Variants in ARHGAP20 observed in about 807,000 individuals in gnomAD.
ARHGAP20 encodes rho GTPase-activating protein 20.
In ARHGAP20, 34 loss-of-function variants were observed where a neutral mutation model predicts 73.7. That is an observed-to-expected ratio of 0.46 (90% CI 0.35 to 0.61). The LOEUF (loss-of-function observed/expected upper bound fraction) is 0.61. Among genes scored for constraint, ARHGAP20 ranks in the 20% least tolerant of loss-of-function variants. The probability of loss-of-function intolerance (pLI) is 0.00; values close to 1 mark genes in which losing one functional copy is unlikely to be tolerated. For missense variants in ARHGAP20, 1,314 were observed against 1,420.9 expected, an observed-to-expected ratio of 0.92 and a Z score of 1.21; for synonymous variants, 523 against 518.2, an observed-to-expected ratio of 1.01 and a Z score of -0.13.
Position 110,578,494 on chromosome 11 carries a change from G to A in ARHGAP20, c.*876C>T. 5 of 985,408 alleles carry A rather than the reference G, an allele frequency of 5.1e-6. No individual in the cohort carries two copies. Among genetic ancestry groups the A allele is most frequent in the Non-Finnish European group, 6.0e-6 (5 of 829,930 alleles). 61.0% of individuals were successfully genotyped at this position (985,408 alleles called of 1,614,324 possible). A position where few individuals can be genotyped will look rare whatever the true frequency, so the allele number is the denominator to read the frequency against. The stretch of plus-strand genomic sequence containing the variant: ...AACAGCATTTGTGTAATTGAGAAAG[G>A]ACAGTTGTTGTGGTCTTTTCCTCCA... On this transcript the variant is annotated 3_prime_UTR_variant, in exon 15 of 15. Transcript: ENST00000683387.
At chr11:110,656,775 T>A (rs183502231) in intron 2 of ARHGAP20, among the ~76,000 whole-genome samples, 1 of 152,188 alleles carries the variant, frequency 6.6e-6, no homozygotes, top group Admixed American at 6.6e-5. Context: ...CAAACTTTTT[T>A]TGGGAGAAAA....
rs117112010 is a variant in ARHGAP20, at chr11:110,649,734, T to C, written c.189-18942A>G. 7.2e-5 allele frequency among the ~76,000 whole-genome samples: 11 copies of C among 152,274 alleles called. No individual in the cohort carries two copies. The East Asian group carries it at 1.5e-3, about 21-fold the overall frequency. ...TGCTAAAAGTTCACAAAGCTACTTA[T>C]TGCAAAGCCAGACCTGGAAAAACGG... On this transcript the variant is annotated intron_variant, in intron 2 of 14. Coordinates refer to ENST00000683387, the MANE Select transcript of ARHGAP20 (RefSeq NM_001384657.1).
chr11:110,578,593 C>T lies in ARHGAP20; in HGVS notation c.*777G>A, dbSNP rs1236593486. On this transcript the variant is annotated 3_prime_UTR_variant, in exon 15 of 15. Coordinates refer to ENST00000683387, the MANE Select transcript of ARHGAP20 (RefSeq NM_001384657.1). ...TGCATTTCTGAAGAATGTTCCTAGG[C>T]AGAGATACCTTTGAAAGGGTACTGA... 1.0e-6 allele frequency: 1 copy of T among 985,290 alleles called. No homozygotes were observed. The highest frequency in any genetic ancestry group is 1.1e-4 in the East Asian group (1 of 8,834). 61.0% of individuals were successfully genotyped at this position (985,290 alleles called of 1,614,324 possible). A position where few individuals can be genotyped will look rare whatever the true frequency, so the allele number is the denominator to read the frequency against.
intron 1 of ARHGAP20, among the ~76,000 whole-genome samples, chr11:110,701,467 A>G (rs1391940573): frequency 2.0e-5 from 3 of 151,788 alleles, no homozygotes; most frequent in South Asian, 4.2e-4. Context: ...AGTTCATTGT[A>G]GATTCTGGAT....
chr11:110,611,109 A>G (rs1441229163), intron 7 of ARHGAP20, among the ~76,000 whole-genome samples, 200 bp downstream of exon 7: 1 of 152,070 alleles, frequency 6.6e-6, no homozygotes, highest in Admixed American at 6.6e-5. Context: ...GTTCACACAG[A>G]TTTTAAAATA....
intron 3 of ARHGAP20, 92 bp from the exon 4 acceptor site, chr11:110,624,403 A>C (rs1948692508): frequency 9.2e-7 from 1 of 1,092,602 alleles, no homozygotes; most frequent in Non-Finnish European, 1.3e-6. Context: ...TCAGCAAACT[A>C]ACACAGGTAC....
intron 9 of ARHGAP20, among the ~76,000 whole-genome samples, chr11:110,599,016 C>G (rs565653479): frequency 1.3e-5 from 2 of 151,068 alleles, no homozygotes; most frequent in Non-Finnish European, 3.0e-5. Flanking sequence ...TGGCTATAGA[C>G]CAGACCTCCC....
At chr11:110,581,933 A>G (rs1947482172) in intron 14 of ARHGAP20, among the ~76,000 whole-genome samples, 1 of 148,010 alleles carries the variant, frequency 6.8e-6, no homozygotes, top group African/African-American at 2.5e-5. Flanking sequence ...GAGAGGACAA[A>G]AAAAAAAAAA....
chr11:110,610,470 A>G (rs1014592450), intron 7 of ARHGAP20, among the ~76,000 whole-genome samples: 2 of 152,162 alleles, frequency 1.3e-5, no homozygotes, highest in African/African-American at 4.8e-5. Flanking sequence ...TTTCATATTT[A>G]CAGAGAATCT....
In ARHGAP20 at chr11:110,580,245, G is replaced by A. The variant is rs1480990966; in HGVS notation, c.2701C>T (p.Gln901Ter). Residue 901 changes from glutamine to a stop codon, truncating the protein, a stop_gained, in exon 15 of 15, where the codon CAG becomes TAG. Transcript: ENST00000683387. LOFTEE classifies it low-confidence loss of function (END_TRUNC). The stretch of plus-strand genomic sequence containing the variant: ...ACCTCAATCCCCATGACTAAACTCT[G>A]ATTAATGAGCTTCTGCCCCTCCATT... ...LQMEGQKLINQSLVMGIEVGK... is the reference protein window; with the variant it reads ...LQMEGQKLIN 1.2e-6 allele frequency: 2 copies of A among 1,614,216 alleles called. No homozygotes were observed. The highest frequency in any genetic ancestry group is 3.3e-5 in the Admixed American group (2 of 60,036).
In ARHGAP20 at chr11:110,589,622, C is replaced by T. The variant is rs562597876; in HGVS notation, c.1305+1026G>A. 8 of 985,428 alleles carry T rather than the reference C, an allele frequency of 8.1e-6. No homozygotes were observed. In the African/African-American group the frequency reaches 1.2e-4, roughly 15 times the overall value. 61.0% of individuals were successfully genotyped at this position (985,428 alleles called of 1,614,324 possible). ...CTAAGGTCAAAAGCTCTGCTTAAAG[C>T]TCATTTTGACTGTAGGTGTTTCCAA... is the stretch of plus-strand genomic sequence containing the variant. On this transcript the variant is annotated intron_variant, in intron 11 of 14. Coordinates refer to ENST00000683387, the MANE Select transcript of ARHGAP20 (RefSeq NM_001384657.1).
chr11:110,651,865 G>C (rs751307598), intron 2 of ARHGAP20, among the ~76,000 whole-genome samples: 25 of 152,148 alleles, frequency 1.6e-4, no homozygotes, highest in Non-Finnish European at 2.6e-4. Flanking sequence ...TGAGAAGGAG[G>C]GACTCCTCGC....
At chr11:110,711,038 T>C (rs948691993) in intron 1 of ARHGAP20, among the ~76,000 whole-genome samples, 16 of 131,374 alleles carry the variant, frequency 1.2e-4, no homozygotes, top group Non-Finnish European at 2.4e-4. Flanking sequence ...TATCGGAAAG[T>C]CTTATGCTGG....
At chr11:110,624,630 T>A (rs1486208642) in intron 3 of ARHGAP20, among the ~76,000 whole-genome samples, 2 of 151,962 alleles carry the variant, frequency 1.3e-5, no homozygotes, top group African/African-American at 4.8e-5. Flanking sequence ...TATCCTGTTT[T>A]TTTTTTTAGA....
rs777674393 is a variant in ARHGAP20, at chr11:110,606,688, C to A, written c.837G>T (p.Pro279=). 1.4e-5 allele frequency: 23 copies of A among 1,602,164 alleles called. No homozygotes were observed. The highest frequency in any genetic ancestry group is 1.5e-5 in the Non-Finnish European group (18 of 1,176,000). The change falls in exon 9 of 15, where the codon CCG becomes CCT. Residue 279 remains proline, a synonymous_variant. Transcript: ENST00000683387. ...AAGGGGTGGTAGAGTCCTTTGATCCCGGTGTCAGGAGTGCAGAGTCTCGAA... is the reference window on the plus strand; with the variant it reads ...AAGGGGTGGTAGAGTCCTTTGATCCAGGTGTCAGGAGTGCAGAGTCTCGAA... ...SHLRDSALLT[P]GSKDSTTPFN... is the part of the protein sequence containing the mutation.
At chr11:110,609,432 C>T (rs954531807) in intron 7 of ARHGAP20, among the ~76,000 whole-genome samples, 2 of 152,092 alleles carry the variant, frequency 1.3e-5, no homozygotes, top group Admixed American at 6.6e-5. Flanking sequence ...AAAGTAATAT[C>T]TCAAAGGCTG....
chr11:110,620,956 C>T (rs1369684595), intron 4 of ARHGAP20, among the ~76,000 whole-genome samples: 1 of 151,640 alleles, frequency 6.6e-6, no homozygotes, highest in Admixed American at 6.6e-5. Flanking sequence ...CACCTGTAAT[C>T]CCAGCTACTC....
intron 2 of ARHGAP20, among the ~76,000 whole-genome samples, chr11:110,656,799 A>T (rs1055137668): frequency 6.6e-6 from 1 of 152,188 alleles, no homozygotes; most frequent in Non-Finnish European, 1.5e-5. Flanking sequence ...GTGGAGGCCC[A>T]TGGAAAAGAA....
chr11:110,713,016 C>A (rs1000811860), upstream of ARHGAP20: 1 of 152,286 alleles, frequency 6.6e-6, no homozygotes, highest in Admixed American at 6.5e-5. Context: ...GTTCGGGTAA[C>A]CCTGAGTGGG....
Sources: gnomAD v4.1 joint callset for allele counts (sites outside exome capture counted in the v4.1 genomes callset) on GRCh38, gnomAD v4.1.1 for gene constraint, MANE v1.5 for transcripts, NCBI Gene and HGNC (gene_info 2026-07-23, HGNC 2026-07-21) for gene names.